Variants in EYS observed in about 807,000 individuals in gnomAD.
EYS encodes the protein EGF-like photoreceptor maintenance factor, also known as protein eyes shut homolog.
In EYS, 250 loss-of-function variants were observed where a neutral mutation model predicts 282.1. The observed-to-expected ratio is 0.89, with a 90% CI of 0.80 to 0.98. The LOEUF (loss-of-function observed/expected upper bound fraction) is 0.98. Ranked by LOEUF, EYS falls within the 50% of genes least tolerant of loss-of-function variation. The pLI is 0.00. For synonymous variants in EYS, 1,355 were observed against 1,282.9 expected (o/e 1.06, Z -1.20); for missense variants, 4,016 against 3,709.0 (o/e 1.08, Z -2.15).
At chr6:64,428,875 A>G (rs1774494333) in intron 28 of EYS, among the ~76,000 whole-genome samples, 1 of 152,176 alleles carries the variant, frequency 6.6e-6, no homozygotes, top group South Asian at 2.1e-4. Context: ...GATATATGAT[A>G]AAATGCCTGG....
intron 2 of EYS, among the ~76,000 whole-genome samples, chr6:65,615,450 A>G (rs1766156515): frequency 6.7e-6 from 1 of 150,234 alleles, no homozygotes; most frequent in Non-Finnish European, 1.5e-5. Flanking sequence ...TATGTACTCT[A>G]TATATTATCT....
chr6:63,884,670 G>A (rs1336001259), intron 35 of EYS, among the ~76,000 whole-genome samples: 1 of 152,112 alleles, frequency 6.6e-6, no homozygotes, highest in Non-Finnish European at 1.5e-5. Flanking sequence ...TTATTTTTCA[G>A]ATAGTCCGTC....
At chr6:64,589,365 C>T (rs1465585745) in intron 26 of EYS, among the ~76,000 whole-genome samples, 1 of 152,028 alleles carries the variant, frequency 6.6e-6, no homozygotes, top group Non-Finnish European at 1.5e-5. Context: ...ACCATACATA[C>T]ACAGACACAA....
chr6:65,556,922 A>T (rs947711680), intron 2 of EYS, among the ~76,000 whole-genome samples: 3 of 152,158 alleles, frequency 2.0e-5, no homozygotes, highest in African/African-American at 7.2e-5. Flanking sequence ...TGGATAATAA[A>T]AGTAGAAAAC....
chr6:63,806,152 G>A (rs1562035029), intron 37 of EYS, 38 bp downstream of exon 37: 1 of 1,498,892 alleles, frequency 6.7e-7, no homozygotes, highest in East Asian at 2.5e-5. Flanking sequence ...TATTCTTAAA[G>A]GAGCGAGGCA....
chr6:65,448,276 G>C (rs1216825820), intron 5 of EYS, among the ~76,000 whole-genome samples: 1 of 152,044 alleles, frequency 6.6e-6, no homozygotes, highest in Non-Finnish European at 1.5e-5. Flanking sequence ...GTGAAGTACT[G>C]AGGAATTTGG....
At chr6:65,487,028 T>A (rs1403187625) in intron 5 of EYS, among the ~76,000 whole-genome samples, 1 of 152,194 alleles carries the variant, frequency 6.6e-6, no homozygotes, top group Non-Finnish European at 1.5e-5. Context: ...TGATTTTGTA[T>A]CCTGAGACTT....
intron 28 of EYS, among the ~76,000 whole-genome samples, chr6:64,405,421 G>A (rs548628759): frequency 6.6e-6 from 1 of 152,212 alleles, no homozygotes; most frequent in African/African-American, 2.4e-5. Context: ...ACCGGCACAG[G>A]ACAAGGATGC....
chr6:65,334,912 C>A, intron 11 of EYS, 68 bp downstream of exon 11: 2 of 1,439,060 alleles, frequency 1.4e-6, no homozygotes, highest in Non-Finnish European at 1.9e-6. Flanking sequence ...TGAAACAGTT[C>A]GATGACTATC....
intron 22 of EYS, among the ~76,000 whole-genome samples, chr6:64,679,785 G>T (rs779245582): frequency 5.3e-5 from 8 of 152,036 alleles, no homozygotes; most frequent in Non-Finnish European, 1.2e-4. Flanking sequence ...AGTGAGATAA[G>T]CGTATTTTCA....
chr6:65,584,585 G>A (rs1166069860), intron 2 of EYS, among the ~76,000 whole-genome samples: 2 of 151,934 alleles, frequency 1.3e-5, no homozygotes, highest in East Asian at 1.9e-4. Flanking sequence ...TATCCAGAAT[G>A]TTCTATAAAA....
intron 31 of EYS, among the ~76,000 whole-genome samples, chr6:64,083,359 C>A (rs1331373911): frequency 3.3e-5 from 5 of 152,194 alleles, no homozygotes; most frequent in African/African-American, 4.8e-5. Context: ...ACAGTTAAAT[C>A]TTCCATCAGA....
At chr6:64,285,955 G>C (rs1459674583) in intron 30 of EYS, among the ~76,000 whole-genome samples, 1 of 152,178 alleles carries the variant, frequency 6.6e-6, no homozygotes, top group African/African-American at 2.4e-5. Context: ...TGGGGACACA[G>C]AGCCAAACCA....
At chr6:64,616,961 G>A (rs1214051265) in intron 24 of EYS, among the ~76,000 whole-genome samples, 1 of 151,970 alleles carries the variant, frequency 6.6e-6, no homozygotes. Context: ...CATTTCTAGT[G>A]CTAATGGAGT....
chr6:64,147,665 A>G (rs1306001324), intron 31 of EYS, among the ~76,000 whole-genome samples: 1 of 152,140 alleles, frequency 6.6e-6, no homozygotes, highest in Non-Finnish European at 1.5e-5. Context: ...ACTCCACTTT[A>G]CCAGTCATGT....
intron 35 of EYS, among the ~76,000 whole-genome samples, chr6:63,955,249 C>G (rs1414468205): frequency 6.6e-6 from 1 of 152,092 alleles, no homozygotes; most frequent in Admixed American, 6.6e-5. Flanking sequence ...TAATCATACT[C>G]TTATTCACCA....
intron 6 of EYS, among the ~76,000 whole-genome samples, chr6:65,404,592 G>T (rs959464385): frequency 6.6e-6 from 1 of 151,654 alleles, no homozygotes; most frequent in Non-Finnish European, 1.5e-5. Flanking sequence ...ATATCAGGTG[G>T]AGTAAAAAAT....
chr6:64,674,176 A>C (rs1769568613), intron 22 of EYS, among the ~76,000 whole-genome samples: 1 of 152,202 alleles, frequency 6.6e-6, no homozygotes, highest in East Asian at 1.9e-4. Flanking sequence ...TCTTATCATA[A>C]ATTTATCCAT....
At chr6:64,417,673 T>C (rs1168858890) in intron 28 of EYS, among the ~76,000 whole-genome samples, 1 of 77,098 alleles carries the variant, frequency 1.3e-5, no homozygotes, top group Non-Finnish European at 3.0e-5. Context: ...AGGGTTGGCT[T>C]TTTTTTTTTT....
Sources: gnomAD v4.1 joint callset for allele counts (sites outside exome capture counted in the v4.1 genomes callset) on GRCh38, gnomAD v4.1.1 for gene constraint, MANE v1.5 for transcripts, NCBI Gene and HGNC (gene_info 2026-07-23, HGNC 2026-07-21) for gene names.